EYS: variants seen among roughly 807,000 people sequenced by gnomAD.
The protein encoded by EYS is protein eyes shut homolog.
In EYS, 250 loss-of-function variants were observed where a neutral mutation model predicts 282.1. The observed-to-expected ratio is 0.89, with a 90% confidence interval of 0.80 to 0.98. The LOEUF (loss-of-function observed/expected upper bound fraction) is 0.98. Among genes scored for constraint, EYS ranks in the 50% least tolerant of loss-of-function variants. The pLI is 0.00. For missense variants in EYS, 4,016 were observed against 3,709.0 expected, an observed-to-expected ratio of 1.08 and a Z score of -2.15; for synonymous variants, 1,355 against 1,282.9, an observed-to-expected ratio of 1.06 and a Z score of -1.20.
At chr6:65,397,269 T>C (rs1426359315) in intron 7 of EYS, among the ~76,000 whole-genome samples, 2 of 151,982 alleles carry the variant, frequency 1.3e-5, no homozygotes, top group Admixed American at 1.3e-4. Flanking sequence ...TATTTTAACA[T>C]GGGTATATTA....
intron 12 of EYS, among the ~76,000 whole-genome samples, chr6:65,200,598 T>C (rs1765876642): frequency 6.6e-6 from 1 of 151,614 alleles, no homozygotes. Context: ...AAAAGAAAGC[T>C]AAGAATTGAC....
chr6:65,370,100 G>A (rs1254847325), intron 8 of EYS, among the ~76,000 whole-genome samples: 2 of 151,382 alleles, frequency 1.3e-5, no homozygotes, highest in African/African-American at 4.9e-5. Context: ...TAGTAGATCA[G>A]CATAGCATGA....
intron 13 of EYS, among the ~76,000 whole-genome samples, chr6:65,021,556 C>T (rs1772254116): frequency 6.6e-6 from 1 of 152,166 alleles, no homozygotes; most frequent in Non-Finnish European, 1.5e-5. Context: ...TAAGAAGTTC[C>T]AAATGTTCCC....
intron 19 of EYS, among the ~76,000 whole-genome samples, chr6:64,882,429 G>A (rs969490269): frequency 4.0e-5 from 6 of 151,556 alleles, no homozygotes; most frequent in African/African-American, 1.5e-4. Context: ...GTCACATAAG[G>A]GAAAAGTGGT....
At chr6:64,706,804 T>A (rs759031139) in intron 22 of EYS, among the ~76,000 whole-genome samples, 1 of 151,002 alleles carries the variant, frequency 6.6e-6, no homozygotes, top group South Asian at 2.1e-4. Flanking sequence ...ATAAAAAAAA[T>A]CAAAAAATAA....
At chr6:65,232,490 CT>C (rs906637097) in intron 12 of EYS, among the ~76,000 whole-genome samples, 1 of 151,888 alleles carries the variant, frequency 6.6e-6, no homozygotes, top group African/African-American at 2.4e-5. Flanking sequence ...AGGATAAAAT[CT>C]TTTTTTATGC....
chr6:65,683,074 A>G (rs962549099), intron 1 of EYS, among the ~76,000 whole-genome samples: 8 of 152,008 alleles, frequency 5.3e-5, no homozygotes, highest in Non-Finnish European at 1.0e-4. Context: ...AAACTGTCAT[A>G]GTCTTGAATT....
intron 29 of EYS, among the ~76,000 whole-genome samples, chr6:64,348,809 C>T (rs1771510370): frequency 6.6e-6 from 1 of 151,394 alleles, no homozygotes; most frequent in Non-Finnish European, 1.5e-5. Context: ...AGACATCATG[C>T]TCTCCCTTAC....
intron 22 of EYS, among the ~76,000 whole-genome samples, chr6:64,731,496 C>T (rs538381083): frequency 7.9e-5 from 12 of 151,904 alleles, no homozygotes; most frequent in African/African-American, 2.7e-4. Flanking sequence ...AAAAAGTGGG[C>T]GAAGGACAGG....
intron 28 of EYS, among the ~76,000 whole-genome samples, chr6:64,415,757 G>A (rs1774040808): frequency 6.6e-6 from 1 of 152,142 alleles, no homozygotes; most frequent in African/African-American, 2.4e-5. Flanking sequence ...CAAATCATAA[G>A]GCATAAAGCT....
chr6:64,654,139 C>G (rs1018266984), intron 22 of EYS, among the ~76,000 whole-genome samples: 3 of 152,004 alleles, frequency 2.0e-5, no homozygotes, highest in African/African-American at 7.2e-5. Context: ...ATATTAGAAA[C>G]AGACATTATT....
chr6:64,200,005 A>G (rs937950833), intron 31 of EYS, among the ~76,000 whole-genome samples: 12 of 152,172 alleles, frequency 7.9e-5, no homozygotes, highest in African/African-American at 2.9e-4. Flanking sequence ...GAAAAAATAA[A>G]TGATCTACCC....
At chr6:64,629,347 C>A (rs1767708652) in intron 22 of EYS, among the ~76,000 whole-genome samples, 1 of 152,024 alleles carries the variant, frequency 6.6e-6, no homozygotes, top group African/African-American at 2.4e-5. Context: ...GTCATGCACA[C>A]CTCTTTAAAG....
chr6:65,699,809 T>A (rs2149851118), intron 1 of EYS, among the ~76,000 whole-genome samples: 2 of 152,270 alleles, frequency 1.3e-5, no homozygotes, highest in South Asian at 4.1e-4. Context: ...GTTTGGATTA[T>A]TCCCTTAAAA....
intron 12 of EYS, among the ~76,000 whole-genome samples, chr6:65,153,947 T>C (rs1205265297): frequency 2.0e-5 from 3 of 151,828 alleles, no homozygotes; most frequent in Non-Finnish European, 4.4e-5. Context: ...TCAAAGTGCC[T>C]CCATTTATTT....
Position 63,721,457 on chromosome 6 carries a change from T to C in EYS, c.8574A>G (p.Leu2858=). Reference sequence around the variant, plus strand: ...CTTTTGCTCCAAATTCAGTTAATTGTAATTCTTGATTATTTATGATAACTT... The same window carrying C: ...CTTTTGCTCCAAATTCAGTTAATTGCAATTCTTGATTATTTATGATAACTT... The part of the protein sequence containing the change: ...IRQVIINNQE[L]QLTEFGAKGG... Residue 2858 remains leucine (L), a synonymous_variant, in exon 43 of 43, where the codon TTA becomes TTG. Transcript: ENST00000503581. The C allele has an allele frequency of 6.4e-7, 1 of 1,551,658 alleles. No individual in the cohort carries two copies. The highest frequency in any genetic ancestry group is 8.7e-7 in the Non-Finnish European group (1 of 1,146,906).
At chr6:64,751,454 T>C (rs77701850) in intron 22 of EYS, among the ~76,000 whole-genome samples, 2,328 of 152,276 alleles carry the variant, frequency 0.015, 60 homozygotes, top group African/African-American at 0.053. Flanking sequence ...GCCCCCGGAC[T>C]CCTCATTGGA....
intron 6 of EYS, among the ~76,000 whole-genome samples, chr6:65,403,240 G>A (rs913020057): frequency 6.6e-6 from 1 of 151,860 alleles, no homozygotes; most frequent in Non-Finnish European, 1.5e-5. Context: ...TAAACCATTG[G>A]CACCTGAAAC....
chr6:64,268,319 G>A (rs1192562385), intron 30 of EYS, among the ~76,000 whole-genome samples: 1 of 152,000 alleles, frequency 6.6e-6, no homozygotes, highest in African/African-American at 2.4e-5. Flanking sequence ...ATAAATAAGT[G>A]TATATATGAA....
Sources: allele counts gnomAD v4.1 joint callset (sites outside exome capture counted in the v4.1 genomes callset), GRCh38; gene constraint gnomAD v4.1.1; transcripts MANE v1.5; gene names NCBI Gene and HGNC (gene_info 2026-07-23, HGNC 2026-07-21).